The following AGL variants were observed in gnomAD, a reference collection of about 807,000 sequenced individuals.
The protein encoded by AGL is glycogen debranching enzyme.
In AGL, 128 loss-of-function variants were observed where a neutral mutation model predicts 199.3. The ratio of observed to expected loss-of-function variants is 0.64; its 90% CI spans 0.56 to 0.74. AGL has a LOEUF of 0.74. Among genes scored for constraint, AGL ranks in the 30% least tolerant of loss-of-function variants. The pLI is 0.00. For missense variants in AGL, 1,809 were observed against 1,820.8 expected, an observed-to-expected ratio of 0.99 and a Z score of 0.12; for synonymous variants, 584 against 594.7, an observed-to-expected ratio of 0.98 and a Z score of 0.26.
chr1:99,868,417 G>A (rs1650713066), intron 5 of AGL, among the ~76,000 whole-genome samples: 1 of 152,032 alleles, frequency 6.6e-6, no homozygotes, highest in Non-Finnish European at 1.5e-5. Context: ...TTTGAGACCA[G>A]CCTGGGCATC....
intron 15 of AGL, 47 bp from the exon 16 acceptor site, chr1:99,881,245 T>A (rs1245763183): frequency 3.1e-6 from 5 of 1,613,580 alleles, no homozygotes; most frequent in South Asian, 1.1e-5. Context: ...TTAAAAAAAA[T>A]TCATTGTAAT....
intron 7 of AGL, 30 bp from the exon 8 acceptor site, chr1:99,874,657 A>G (rs1318836521): frequency 6.3e-7 from 1 of 1,595,246 alleles, no homozygotes; most frequent in African/African-American, 1.3e-5. Context: ...AGATATTTGC[A>G]TTTAAGGTAT....
Position 99,916,424 on chromosome 1 carries a change from G to A in AGL, c.4274G>A (p.Cys1425Tyr). ...TCATTTTGCAGTGATATGGTTTACT[G>A]TGGAATTTATGACAATGCATTAGAC... ...KTLDPDDMVY[C>Y]GIYDNALDND... The change falls in exon 32 of 34, where the codon TGT (cysteine) becomes TAT (tyrosine). Residue 1425 changes from cysteine to tyrosine, a missense_variant. By Grantham distance (194) the Cys-to-Tyr change is radical. Coordinates refer to ENST00000361915, the MANE Select transcript of AGL (RefSeq NM_000642.3). The A allele has an allele frequency of 6.2e-7, 1 of 1,610,532 alleles. No individual in the cohort carries two copies. Among genetic ancestry groups the A allele is most frequent in the Non-Finnish European group, 8.5e-7 (1 of 1,177,608 alleles).
Position 99,870,873 on chromosome 1 carries a change from A to G in AGL, c.958+4A>G. On this transcript the variant is annotated splice_donor_region_variant and intron_variant, in intron 7 of 33. Transcript: ENST00000361915. The stretch of plus-strand genomic sequence containing the variant: ...TTTAGAAGACTTCTTACACAAGGTA[A>G]AGGATACATACTAGAATGTTCCTAT... 1 of 1,506,578 alleles carries G rather than the reference A, an allele frequency of 6.6e-7. No homozygotes were observed. Among genetic ancestry groups the G allele is most frequent in the Non-Finnish European group, 9.2e-7 (1 of 1,082,928 alleles). The allele number at this position is 1,506,578 out of a possible 1,614,324, so 93.3% of individuals were successfully genotyped here. A position where few individuals can be genotyped will look rare whatever the true frequency, so the allele number is the denominator to read the frequency against.
chr1:99,880,090 G>C (rs1438162289), intron 13 of AGL, 44 bp downstream of exon 13: 1 of 1,611,366 alleles, frequency 6.2e-7, no homozygotes, highest in African/African-American at 1.3e-5. Context: ...TTTAGCTTTT[G>C]TTTAAGTAGA....
At chr1:99,905,863 G>A (rs1654245659) in intron 27 of AGL, among the ~76,000 whole-genome samples, 1 of 152,182 alleles carries the variant, frequency 6.6e-6, no homozygotes, top group Non-Finnish European at 1.5e-5. Context: ...TTACAGGGAT[G>A]AGCCACTGAG....
At chr1:99,888,376 G>A (rs1440482850) in intron 21 of AGL, among the ~76,000 whole-genome samples, 3 of 152,154 alleles carry the variant, frequency 2.0e-5, no homozygotes, top group Admixed American at 6.5e-5. Flanking sequence ...AAAACAGGAT[G>A]TAACACAAAG....
intron 25 of AGL, among the ~76,000 whole-genome samples, chr1:99,898,788 T>G (rs1394601187): frequency 6.6e-6 from 1 of 152,110 alleles, no homozygotes; most frequent in East Asian, 1.9e-4. Flanking sequence ...CATGCATCAG[T>G]TCTGGCCACA....
chr1:99,876,324 T>G (rs1651527261), intron 10 of AGL, 134 bp from the exon 11 acceptor site: 6 of 723,484 alleles, frequency 8.3e-6, no homozygotes, highest in Non-Finnish European at 1.3e-5. Context: ...ATATTGAAGT[T>G]TTTTTCCTAT....
chr1:99,861,549 A>C lies in AGL; in HGVS notation c.129A>C (p.Ala43=). ...TAGGCCCAACTTTACAGGGAAAAGC[A>C]GTTACCGTGTATACAAATTACCCAT... The part of the protein sequence containing the change: ...FRLGPTLQGK[A]VTVYTNYPFP... The change falls in exon 3 of 34, where the codon GCA becomes GCC. Residue 43 remains alanine, a synonymous_variant. Coordinates refer to ENST00000361915, the MANE Select transcript of AGL (RefSeq NM_000642.3). 1 of 1,614,056 alleles carries C rather than the reference A, an allele frequency of 6.2e-7. No individual in the cohort carries two copies. The highest frequency in any genetic ancestry group is 8.5e-7 in the Non-Finnish European group (1 of 1,179,958).
rs1342647225 is a variant in AGL at position 99,876,466 on chromosome 1, C to T, written c.1292C>T (p.Thr431Ile). 1.3e-6 allele frequency: 2 copies of T among 1,595,364 alleles called. No homozygotes were observed. The highest frequency in any genetic ancestry group is 1.3e-5 in the African/African-American group (1 of 74,440). The part of the protein sequence containing the change: ...RKHPLVTRYF[T>I]FPFEEIDFSM... Reference sequence around the variant, plus strand: ...TAATTATATTTTCATAGGTATTTTACTTTCCCATTTGAAGAGATAGACTTC... The same window carrying T: ...TAATTATATTTTCATAGGTATTTTATTTTCCCATTTGAAGAGATAGACTTC... The change falls in exon 11 of 34, where the codon ACT (threonine) becomes ATT (isoleucine). Residue 431 changes from threonine (T) to isoleucine (I), a missense_variant. Physicochemically the swap from Thr to Ile is moderately conservative, Grantham distance 89. Coordinates refer to ENST00000361915, the MANE Select transcript of AGL (RefSeq NM_000642.3).
rs1165052196 is a variant in AGL, at chr1:99,874,790, A to G, written c.1062A>G (p.Leu354=). Residue 354 remains leucine (L), a synonymous_variant, in exon 8 of 34, where the codon CTA becomes CTG. Transcript: ENST00000361915. ...GTACTGTAGATATGAACATTGCACTAACGACTTTCATACCACATGAGTATG... is the reference window on the plus strand; with the variant it reads ...GTACTGTAGATATGAACATTGCACTGACGACTTTCATACCACATGAGTATG... ...FGCTVDMNIA[L]TTFIPHDKGP... 1.2e-6 allele frequency: 2 copies of G among 1,612,170 alleles called. No homozygotes were observed. Among genetic ancestry groups the G allele is most frequent in the Admixed American group, 1.7e-5 (1 of 59,876 alleles).
In AGL at chr1:99,902,896, T is replaced by C. The variant is rs1024375956; in HGVS notation, c.3700+102T>C. On this transcript the variant is annotated intron_variant, in intron 27 of 33. Transcript: ENST00000361915. ...TATTTGTGTGCCAAACCTCACGATA[T>C]AATGATTAAAAAGATTAACATAGTT... The C allele has an allele frequency of 1.4e-5, 12 of 883,962 alleles. No individual in the cohort carries two copies. In the Admixed American group the frequency reaches 2.5e-4, roughly 19 times the overall value. The allele number at this position is 883,962 out of a possible 1,614,324, so 54.8% of individuals were successfully genotyped here.
chr1:99,915,384 A>T lies in AGL; in HGVS notation c.4162-5A>T, dbSNP rs1655037868. 6.2e-7 allele frequency: 1 copy of T among 1,612,342 alleles called. No individual in the cohort carries two copies. ...ATTTGTATATTTGTTTTTGGCATTC[A>T]CTAGGCCCCTGAGCTCTTTACTACA... On this transcript the variant is annotated splice_polypyrimidine_tract_variant and splice_region_variant and intron_variant, in intron 30 of 33. Transcript: ENST00000361915.
chr1:99,884,012 G>C (rs1165144602), intron 17 of AGL, 108 bp from the exon 18 acceptor site: 8 of 927,248 alleles, frequency 8.6e-6, no homozygotes, highest in Non-Finnish European at 1.4e-5. Context: ...AAAAGTAACT[G>C]ATAATTTGTT....
At chr1:99,856,391 C>T (rs1398462883) in intron 2 of AGL, among the ~76,000 whole-genome samples, 1 of 134,352 alleles carries the variant, frequency 7.4e-6, no homozygotes, top group Admixed American at 7.9e-5. Flanking sequence ...TCCCTCCCTC[C>T]CTCCTTCCTT....
chr1:99,916,871 T>C, intron 33 of AGL, 140 bp downstream of exon 33: 2 of 896,160 alleles, frequency 2.2e-6, no homozygotes, highest in Non-Finnish European at 3.4e-6. Context: ...TTCTTTAACA[T>C]GACAAATTCT....
chr1:99,886,646 C>T (rs1451999202), intron 20 of AGL, among the ~76,000 whole-genome samples: 1 of 151,980 alleles, frequency 6.6e-6, no homozygotes, highest in Non-Finnish European at 1.5e-5. Context: ...TTAAAAATAA[C>T]ATCTCATGTA....
intron 25 of AGL, among the ~76,000 whole-genome samples, chr1:99,898,839 TTAG>T (rs1653554858): frequency 6.6e-6 from 1 of 152,142 alleles, no homozygotes; most frequent in South Asian, 2.1e-4. Flanking sequence ...GAAATTCGTT[TTAG>T]TGGACATATA....
Sources: gnomAD v4.1 joint callset for allele counts (sites outside exome capture counted in the v4.1 genomes callset) on GRCh38, gnomAD v4.1.1 for gene constraint, MANE v1.5 for transcripts, NCBI Gene and HGNC (gene_info 2026-07-23, HGNC 2026-07-21) for gene names.